Variants in PCLO observed in about 807,000 individuals in gnomAD.
PCLO encodes the protein protein piccolo.
PCLO carries 82 observed loss-of-function variants against 427.5 expected under a neutral mutation model. That is an observed-to-expected ratio of 0.19 (90% CI 0.16 to 0.23). The LOEUF is 0.23. PCLO is among the 10% of genes least tolerant of loss of function. PCLO has a pLI of 1.00. For missense variants in PCLO, 6,239 were observed against 6,115.9 expected, an observed-to-expected ratio of 1.02 and a Z score of -0.67; for synonymous variants, 2,357 against 2,155.4, an observed-to-expected ratio of 1.09 and a Z score of -2.59.
intron 9 of PCLO, among the ~76,000 whole-genome samples, chr7:82,891,676 C>A (rs1439128813): frequency 6.6e-6 from 1 of 152,014 alleles, no homozygotes; most frequent in Non-Finnish European, 1.5e-5. Context: ...GTGGGTTTGT[C>A]ATAGATAGCT....
intron 22 of PCLO, among the ~76,000 whole-genome samples, chr7:82,791,359 C>T (rs575491556): frequency 6.6e-6 from 1 of 152,284 alleles, no homozygotes; most frequent in South Asian, 2.1e-4. Flanking sequence ...GTTGTCTGGG[C>T]TCCAGAGTGC....
intron 22 of PCLO, among the ~76,000 whole-genome samples, chr7:82,783,075 T>G (rs528436639): frequency 6.6e-6 from 1 of 152,308 alleles, no homozygotes; most frequent in East Asian, 1.9e-4. Flanking sequence ...AGCCAGCAAC[T>G]TCATCCCTTG....
chr7:83,008,289 T>C (rs73387648), intron 3 of PCLO, among the ~76,000 whole-genome samples: 3,399 of 151,790 alleles, frequency 0.022, 137 homozygotes, highest in African/African-American at 0.078. Flanking sequence ...AAAATAGTCA[T>C]TAAAATATAG....
chr7:83,156,963 T>C (rs1025228674), intron 1 of PCLO, among the ~76,000 whole-genome samples: 1 of 152,186 alleles, frequency 6.6e-6, no homozygotes, highest in Non-Finnish European at 1.5e-5. Context: ...GGGAATATAA[T>C]GTGAAATAAG....
chr7:83,162,455 G>A lies in PCLO; in HGVS notation c.138C>T (p.Ser46=). ...AIPAGMEADL[S]QLSEEERRQI... is the part of the protein sequence containing the mutation. Reference sequence around the variant, plus strand: ...GTCTCCTCTCCTCTTCGCTCAGCTGGCTCAAATCCGCCTCCATGCCGGCCG... The same window carrying A: ...GTCTCCTCTCCTCTTCGCTCAGCTGACTCAAATCCGCCTCCATGCCGGCCG... Residue 46 remains serine, a synonymous_variant, in exon 1 of 25, where the codon AGC becomes AGT. Transcript: ENST00000333891. The A allele has an allele frequency of 1.9e-6, 3 of 1,591,806 alleles. No homozygotes were observed. Among genetic ancestry groups the A allele is most frequent in the Non-Finnish European group, 2.6e-6 (3 of 1,169,086 alleles).
At position 82,953,173 on chromosome 7, in the gene PCLO, C is replaced by T; in HGVS notation, c.7780G>A (p.Asp2594Asn). 6.2e-7 allele frequency: 1 copy of T among 1,613,928 alleles called. No homozygotes were observed. The highest frequency in any genetic ancestry group is 8.5e-7 in the Non-Finnish European group (1 of 1,179,876). ...GTAATTGCTTGACTAGCAGAAGAAT[C>T]TGTTGGAGTCCCTGGTTCAGATGGC... is the stretch of plus-strand genomic sequence containing the variant. ...TLPSEPGTPT[D>N]SSASQAITSW... The change falls in exon 5 of 25, where the codon GAT (aspartate) becomes AAT (asparagine). Residue 2594 changes from aspartate (D) to asparagine (N), a missense_variant. By Grantham distance (23) the Asp-to-Asn change is conservative. Around this residue, in one of 5 missense-constraint regions of PCLO, gnomAD observed 4,677 missense variants for 4,468.4 expected, o/e 1.05. Coordinates refer to ENST00000333891, the MANE Select transcript of PCLO (RefSeq NM_033026.6).
At chr7:82,855,773 A>G (rs1348378863) in intron 10 of PCLO, among the ~76,000 whole-genome samples, 2 of 152,132 alleles carry the variant, frequency 1.3e-5, no homozygotes, top group African/African-American at 4.8e-5. Context: ...AATTATGCTG[A>G]ATCTTACTGG....
chr7:83,115,139 A>T (rs183537249), intron 3 of PCLO, among the ~76,000 whole-genome samples: 222 of 152,182 alleles, frequency 1.5e-3, no homozygotes, highest in African/African-American at 5.1e-3. Flanking sequence ...TAGAAAAAAA[A>T]TATTAATGGG....
intron 6 of PCLO, among the ~76,000 whole-genome samples, chr7:82,935,194 TAAAAAAAAAAA>T (rs528188502): frequency 1.2e-5 from 1 of 84,230 alleles, no homozygotes; most frequent in East Asian, 3.8e-4. Flanking sequence ...CCTGGTATAC[TAAAAAAAAAAA>T]AAAAAAAAAA....
chr7:83,133,589 ATCTT>A (rs1318640203), intron 3 of PCLO, among the ~76,000 whole-genome samples: 9 of 152,176 alleles, frequency 5.9e-5, no homozygotes, highest in Non-Finnish European at 1.0e-4. Context: ...AAATTCATAT[ATCTT>A]TCTTTCTTTC....
At chr7:82,776,599 A>C (rs1790755729) in intron 22 of PCLO, among the ~76,000 whole-genome samples, 1 of 152,232 alleles carries the variant, frequency 6.6e-6, no homozygotes, top group Admixed American at 6.5e-5. Flanking sequence ...GTTCCAGATC[A>C]TCTTGCCCAA....
intron 3 of PCLO, among the ~76,000 whole-genome samples, chr7:83,042,251 T>C (rs974340922): frequency 4.7e-4 from 71 of 152,196 alleles, no homozygotes; most frequent in African/African-American, 1.6e-3. Context: ...TGCACACTAA[T>C]GAAAAACAAA....
At chr7:83,086,714 A>AT (rs1441010854) in intron 3 of PCLO, among the ~76,000 whole-genome samples, 1 of 152,164 alleles carries the variant, frequency 6.6e-6, no homozygotes, top group Non-Finnish European at 1.5e-5. Context: ...TGATTGAATA[A>AT]TTCTGAAAAA....
At chr7:83,016,649 A>C (rs1788214677) in intron 3 of PCLO, among the ~76,000 whole-genome samples, 1 of 152,130 alleles carries the variant, frequency 6.6e-6, no homozygotes, top group African/African-American at 2.4e-5. Context: ...TGAATATAGA[A>C]GTCACCCTTA....
chr7:82,994,810 G>GA (rs1435884641), intron 3 of PCLO, among the ~76,000 whole-genome samples: 1 of 151,680 alleles, frequency 6.6e-6, no homozygotes, highest in East Asian at 1.9e-4. Flanking sequence ...AGGTAGTGGG[G>GA]AAAAAACGAT....
At position 83,029,800 on chromosome 7, in the gene PCLO, C is replaced by T. The variant is rs375871389; in HGVS notation, c.3301-63313G>A. Among the ~76,000 whole-genome samples, 26 of 135,778 alleles carry T rather than the reference C, an allele frequency of 1.9e-4. No homozygotes were observed. The East Asian group carries it at 3.4e-3, about 18-fold the overall frequency. 89.1% of individuals were successfully genotyped at this position (135,778 alleles called of 152,430 possible). A position where few individuals can be genotyped will look rare whatever the true frequency, so the allele number is the denominator to read the frequency against. Reference sequence around the variant, plus strand: ...GCAGCCATAAAAAATGATGAGTTCACGTCCTTTGTAGGGACATGGATGAAA... The same window carrying T: ...GCAGCCATAAAAAATGATGAGTTCATGTCCTTTGTAGGGACATGGATGAAA... On this transcript the variant is annotated intron_variant, in intron 3 of 24. Coordinates refer to ENST00000333891, the MANE Select transcript of PCLO (RefSeq NM_033026.6).
chr7:83,042,307 T>C (rs1334162473), intron 3 of PCLO, among the ~76,000 whole-genome samples: 8 of 152,180 alleles, frequency 5.3e-5, no homozygotes, highest in Admixed American at 2.6e-4. Flanking sequence ...AAAACATGAA[T>C]TGCATTTGTA....
At chr7:83,053,998 C>CAG (rs1308756331) in intron 3 of PCLO, among the ~76,000 whole-genome samples, 2 of 151,842 alleles carry the variant, frequency 1.3e-5, no homozygotes, top group African/African-American at 4.8e-5. Flanking sequence ...CACAAAAGAA[C>CAG]AGAGACACTT....
At chr7:83,128,710 A>T (rs936706296) in intron 3 of PCLO, among the ~76,000 whole-genome samples, 4 of 152,148 alleles carry the variant, frequency 2.6e-5, no homozygotes, top group Non-Finnish European at 5.9e-5. Flanking sequence ...CTTTGCATGC[A>T]TTGGAAAGAA....
Sources: gnomAD v4.1 joint callset for allele counts (sites outside exome capture counted in the v4.1 genomes callset) on GRCh38, gnomAD v4.1.1 for gene constraint, gnomAD v4.1.1 regional missense constraint, MANE v1.5 for transcripts, NCBI Gene and HGNC (gene_info 2026-07-23, HGNC 2026-07-21) for gene names.